Variants in FOXP1 observed in about 807,000 individuals in gnomAD.
FOXP1 encodes the protein forkhead box P1.
In FOXP1, 15 loss-of-function variants were observed where a neutral mutation model predicts 98.2. The ratio of observed to expected loss-of-function variants is 0.15; its 90% CI spans 0.10 to 0.24. The LOEUF (loss-of-function observed/expected upper bound fraction) is 0.24, where lower values mean the gene tolerates loss of function less well. Ranked by LOEUF, FOXP1 falls within the 10% of genes least tolerant of loss-of-function variation. The pLI, the probability that FOXP1 is intolerant of heterozygous loss-of-function variation, is 1.00. For missense variants in FOXP1, 633 were observed against 848.5 expected (o/e 0.75, Z 3.15); for synonymous variants, 371 against 314.5 (o/e 1.18, Z -1.90).
chr3:71,508,902 G>A (rs1577920565), intron 2 of FOXP1, among the ~76,000 whole-genome samples: 1 of 152,136 alleles, frequency 6.6e-6, no homozygotes, highest in Non-Finnish European at 1.5e-5. Context: ...AAGATGAAGA[G>A]GGCAACAGCT....
At chr3:71,526,160 A>C (rs190853490) in intron 2 of FOXP1, among the ~76,000 whole-genome samples, 1 of 150,032 alleles carries the variant, frequency 6.7e-6, no homozygotes, top group East Asian at 1.9e-4. Context: ...AAACAAACAA[A>C]CAAACAAGAG....
chr3:71,220,958 G>A (rs2065331237), intron 5 of FOXP1, among the ~76,000 whole-genome samples: 1 of 149,732 alleles, frequency 6.7e-6, no homozygotes, highest in Non-Finnish European at 1.5e-5. Flanking sequence ...TGTAGGCCAA[G>A]AATACTTAGA....
intron 2 of FOXP1, among the ~76,000 whole-genome samples, chr3:71,510,776 T>G (rs904831436): frequency 2.0e-5 from 3 of 152,188 alleles, no homozygotes; most frequent in Admixed American, 2.0e-4. Flanking sequence ...AAGTGTTCAT[T>G]CCTGGCATGA....
At chr3:71,368,370 G>A (rs141789247) in intron 3 of FOXP1, among the ~76,000 whole-genome samples, 2 of 152,066 alleles carry the variant, frequency 1.3e-5, no homozygotes, top group East Asian at 1.9e-4. Flanking sequence ...CAAGTGATCC[G>A]CCTGCTTTGG....
rs1413366400 is a variant in FOXP1 at position 70,954,986 on chromosome 3, G to C, written c.*4261C>G. 4.3e-6 allele frequency: 1 copy of C among 232,518 alleles called. No homozygotes were observed. Among genetic ancestry groups the C allele is most frequent in the Non-Finnish European group, 8.5e-6 (1 of 117,654 alleles). 14.4% of individuals were successfully genotyped at this position (232,518 alleles called of 1,614,324 possible). On this transcript the variant is annotated 3_prime_UTR_variant, in exon 21 of 21. Coordinates refer to ENST00000649528, the MANE Select transcript of FOXP1 (RefSeq NM_001349338.3). ...TCTTCATCAAGGCTTATGGGTAGCA[G>C]AGATTGCGTGAGCTACACTGGGCCC... is the stretch of plus-strand genomic sequence containing the variant.
intron 11 of FOXP1, among the ~76,000 whole-genome samples, chr3:71,040,841 G>A (rs2048247125): frequency 6.6e-6 from 1 of 152,080 alleles, no homozygotes; most frequent in Admixed American, 6.6e-5. Flanking sequence ...AATACATACG[G>A]GAAAGACCAT....
At chr3:71,490,938 T>C (rs1368616002) in intron 3 of FOXP1, among the ~76,000 whole-genome samples, 1 of 152,236 alleles carries the variant, frequency 6.6e-6, no homozygotes, top group Non-Finnish European at 1.5e-5. Context: ...ACCCCTTTGA[T>C]GAATTCTCAT....
intron 5 of FOXP1, among the ~76,000 whole-genome samples, chr3:71,262,781 T>C (rs1309873671): frequency 6.6e-6 from 1 of 152,208 alleles, no homozygotes; most frequent in African/African-American, 2.4e-5. Context: ...AAAATGACAC[T>C]TGGGTGGTTA....
intron 5 of FOXP1, among the ~76,000 whole-genome samples, chr3:71,282,616 A>G (rs999465343): frequency 1.2e-4 from 14 of 120,416 alleles, no homozygotes; most frequent in Admixed American, 3.9e-4. Flanking sequence ...TTTTTGCAGG[A>G]AAAAAAAAGG....
chr3:71,510,354 G>A (rs2042115476), intron 2 of FOXP1, among the ~76,000 whole-genome samples: 1 of 151,928 alleles, frequency 6.6e-6, no homozygotes, highest in Admixed American at 6.6e-5. Context: ...GTACTTGCCT[G>A]TAATCCCAGC....
chr3:71,488,612 G>C (rs926255310), intron 3 of FOXP1, among the ~76,000 whole-genome samples: 3 of 152,226 alleles, frequency 2.0e-5, no homozygotes, highest in South Asian at 2.1e-4. Flanking sequence ...TAGCCAGTTA[G>C]CTATGTGGAA....
At chr3:70,966,205 G>A in intron 19 of FOXP1, 149 bp from the exon 20 acceptor site, 1 of 813,278 alleles carries the variant, frequency 1.2e-6, no homozygotes. Flanking sequence ...GAAAGATTTT[G>A]CTTTAAAAAC....
intron 14 of FOXP1, among the ~76,000 whole-genome samples, chr3:70,978,363 A>G (rs1019501322): frequency 6.6e-6 from 1 of 150,416 alleles, no homozygotes; most frequent in Non-Finnish European, 1.5e-5. Flanking sequence ...TTGATCGCCC[A>G]TCAGGCCTTG....
At chr3:71,411,322 TGTGTGTGTGA>T (rs1469746860) in intron 3 of FOXP1, among the ~76,000 whole-genome samples, 2,401 of 146,958 alleles carry the variant, frequency 0.016, 76 homozygotes, top group African/African-American at 0.059. Flanking sequence ...TGTGTGTATG[TGTGTGTGTGA>T]GTGACGGAGT....
chr3:71,191,403 C>T lies in FOXP1; in HGVS notation c.180+6799G>A, dbSNP rs140086881. ...CTCACCGGTCAGGGCTTAAAATTAT[C>T]TTTTCAAAGTGGCAAAGCTTTCTCT... On this transcript the variant is annotated intron_variant, in intron 6 of 20. Coordinates refer to ENST00000649528, the MANE Select transcript of FOXP1 (RefSeq NM_001349338.3). Among the ~76,000 whole-genome samples the T allele has an allele frequency of 2.5e-3, 375 of 152,238 alleles. 1 individual carries two copies. Among genetic ancestry groups the T allele is most frequent in the African/African-American group, 8.6e-3 (359 of 41,546 alleles).
At chr3:71,091,484 C>T (rs542152089) in intron 7 of FOXP1, among the ~76,000 whole-genome samples, 1 of 149,944 alleles carries the variant, frequency 6.7e-6, no homozygotes, top group African/African-American at 2.5e-5. Flanking sequence ...AGCAAGACTC[C>T]GTCTCAAAAC....
intron 5 of FOXP1, among the ~76,000 whole-genome samples, chr3:71,267,524 T>C (rs1052521166): frequency 6.6e-5 from 10 of 152,142 alleles, no homozygotes; most frequent in African/African-American, 2.4e-4. Flanking sequence ...TTTGCTGATG[T>C]TGAGGACCAA....
At chr3:71,005,925 A>C (rs562298213) in intron 12 of FOXP1, among the ~76,000 whole-genome samples, 1 of 152,242 alleles carries the variant, frequency 6.6e-6, no homozygotes, top group South Asian at 2.1e-4. Flanking sequence ...GCTGCGGAAA[A>C]ACAAGATCAT....
chr3:71,416,147 T>C (rs2083195702), intron 3 of FOXP1, among the ~76,000 whole-genome samples: 1 of 151,980 alleles, frequency 6.6e-6, no homozygotes, highest in Non-Finnish European at 1.5e-5. Context: ...CAGACATTAA[T>C]CAAAATAGAA....
Sources: allele counts gnomAD v4.1 joint callset (sites outside exome capture counted in the v4.1 genomes callset), GRCh38; gene constraint gnomAD v4.1.1; transcripts MANE v1.5; gene names NCBI Gene and HGNC (gene_info 2026-07-23, HGNC 2026-07-21).